KCTD16: variants seen among roughly 807,000 people sequenced by gnomAD.
KCTD16 encodes potassium channel tetramerization domain containing 16, also known as BTB/POZ domain-containing protein KCTD16.
In KCTD16, 13 loss-of-function variants were observed where a neutral mutation model predicts 33.2. The ratio of observed to expected loss-of-function variants is 0.39; its 90% CI spans 0.25 to 0.62. KCTD16 has a LOEUF of 0.62. KCTD16 is among the 20% of genes least tolerant of loss of function. The pLI is 0.50. For missense variants in KCTD16, 441 were observed against 525.1 expected, an observed-to-expected ratio of 0.84 and a Z score of 1.57; for synonymous variants, 197 against 195.3, an observed-to-expected ratio of 1.01 and a Z score of -0.07.
intron 3 of KCTD16, among the ~76,000 whole-genome samples, chr5:144,422,989 A>G (rs1753244532): frequency 6.6e-6 from 1 of 152,160 alleles, no homozygotes; most frequent in Non-Finnish European, 1.5e-5. Context: ...ATAATGAAGT[A>G]GCAACTAATC....
chr5:144,467,311 A>G (rs949317876), intron 3 of KCTD16, among the ~76,000 whole-genome samples: 1 of 151,554 alleles, frequency 6.6e-6, no homozygotes, highest in Non-Finnish European at 1.5e-5. Context: ...TGGAAGGTTT[A>G]CTCTGTCACA....
chr5:144,411,193 T>G (rs898463519), intron 3 of KCTD16, among the ~76,000 whole-genome samples: 1 of 152,162 alleles, frequency 6.6e-6, no homozygotes, highest in Non-Finnish European at 1.5e-5. Context: ...GTCTTAAAAT[T>G]TATATGGAAC....
rs1754552833 is a variant in KCTD16, at chr5:144,474,517, A to G, written c.*403A>G. On this transcript the variant is annotated 3_prime_UTR_variant, in exon 4 of 4. Coordinates refer to ENST00000512467, the MANE Select transcript of KCTD16 (RefSeq NM_020768.4). ...GTAGAAAAAGATCTGGCCCAATGGC[A>G]TAAGTTTGGAATTTTTAATTTTGGT... The G allele has an allele frequency of 3.1e-5, 5 of 161,964 alleles. No homozygotes were observed. Among genetic ancestry groups the G allele is most frequent in the South Asian group, 1.8e-4 (1 of 5,696 alleles). 10.0% of individuals were successfully genotyped at this position (161,964 alleles called of 1,614,324 possible).
chr5:144,385,986 G>A (rs572232226), intron 3 of KCTD16, among the ~76,000 whole-genome samples: 3 of 152,220 alleles, frequency 2.0e-5, no homozygotes, highest in South Asian at 4.2e-4. Flanking sequence ...GAGCTATCTA[G>A]TAATCATTGC....
intron 3 of KCTD16, among the ~76,000 whole-genome samples, chr5:144,361,849 TC>T (rs1313126187): frequency 6.6e-6 from 1 of 151,922 alleles, no homozygotes; most frequent in African/African-American, 2.4e-5. Flanking sequence ...TAAAGTCTGG[TC>T]CCAAGAGAGT....
In KCTD16 at chr5:144,285,493, A is replaced by C. The variant is rs527739120; in HGVS notation, c.832+77947A>C. Among the ~76,000 whole-genome samples the C allele has an allele frequency of 4.6e-5, 7 of 152,210 alleles. 1 individual carries two copies. Among genetic ancestry groups the C allele is most frequent in the Admixed American group, 1.3e-4 (2 of 15,292 alleles). ...GCCCCTCTTTATCCATCCATCGCTT[A>C]TGTAGCATCAAAGGGCCTTAGTGTG... On this transcript the variant is annotated intron_variant, in intron 3 of 3. Coordinates refer to ENST00000512467, the MANE Select transcript of KCTD16 (RefSeq NM_020768.4).
intron 3 of KCTD16, among the ~76,000 whole-genome samples, chr5:144,268,913 G>T (rs1755220883): frequency 6.6e-6 from 1 of 152,064 alleles, no homozygotes; most frequent in Non-Finnish European, 1.5e-5. Flanking sequence ...AAACCAGAAA[G>T]AAATTCTGGA....
intron 3 of KCTD16, among the ~76,000 whole-genome samples, chr5:144,441,658 C>T (rs992185997): frequency 2.0e-5 from 3 of 151,944 alleles, no homozygotes; most frequent in African/African-American, 7.2e-5. Flanking sequence ...TCTGAATTCT[C>T]AGTCGTATTG....
intron 3 of KCTD16, among the ~76,000 whole-genome samples, chr5:144,339,329 A>C (rs939493945): frequency 6.6e-6 from 1 of 152,224 alleles, no homozygotes; most frequent in Non-Finnish European, 1.5e-5. Flanking sequence ...CACTACTCTC[A>C]GCAGTCTCTG....
intron 3 of KCTD16, among the ~76,000 whole-genome samples, chr5:144,469,189 T>C (rs1178581044): frequency 2.0e-5 from 3 of 152,228 alleles, no homozygotes; most frequent in Non-Finnish European, 2.9e-5. Flanking sequence ...TCAATCTTTA[T>C]CCTGAAGGGC....
At chr5:144,431,589 C>T (rs1753463993) in intron 3 of KCTD16, among the ~76,000 whole-genome samples, 2 of 152,132 alleles carry the variant, frequency 1.3e-5, no homozygotes, top group African/African-American at 4.8e-5. Context: ...GCCAGGTCCA[C>T]ATCACAAAAT....
At chr5:144,357,351 A>G (rs1021666414) in intron 3 of KCTD16, among the ~76,000 whole-genome samples, 2 of 152,214 alleles carry the variant, frequency 1.3e-5, no homozygotes, top group Admixed American at 6.5e-5. Context: ...TTACCTTTCT[A>G]TAGCTCTAGA....
At chr5:144,381,043 G>A in intron 3 of KCTD16, among the ~76,000 whole-genome samples, 1 of 152,054 alleles carries the variant, frequency 6.6e-6, no homozygotes, top group East Asian at 1.9e-4. Context: ...TAAGACATTT[G>A]CAAACTATGC....
chr5:144,193,781 C>T (rs997203665), intron 2 of KCTD16, among the ~76,000 whole-genome samples: 5 of 151,584 alleles, frequency 3.3e-5, no homozygotes, highest in South Asian at 2.1e-4. Flanking sequence ...AACAAAGGTA[C>T]GACAAATGGA....
chr5:144,286,905 A>G (rs1050453306), intron 3 of KCTD16, among the ~76,000 whole-genome samples: 1 of 152,218 alleles, frequency 6.6e-6, no homozygotes, highest in Non-Finnish European at 1.5e-5. Flanking sequence ...CCTGACACTT[A>G]TTGAGCACTT....
chr5:144,206,675 C>A lies in KCTD16; in HGVS notation c.-40C>A, dbSNP rs369915608. 17 of 1,531,608 alleles carry A rather than the reference C, an allele frequency of 1.1e-5. No homozygotes were observed. The African/African-American group carries it at 2.3e-4, about 21-fold the overall frequency. 94.9% of individuals were successfully genotyped at this position (1,531,608 alleles called of 1,614,324 possible). ...ATAAGGCTGTGACTCCATTGGATTG[C>A]ACCTTTAAATCAAAATAGCAGCAGC... On this transcript the variant is annotated 5_prime_UTR_variant, in exon 3 of 4. Coordinates refer to ENST00000512467, the MANE Select transcript of KCTD16 (RefSeq NM_020768.4).
intron 3 of KCTD16, among the ~76,000 whole-genome samples, chr5:144,256,143 CT>C (rs1248917756): frequency 6.6e-6 from 1 of 152,184 alleles, no homozygotes; most frequent in African/African-American, 2.4e-5. Context: ...CACTTTGGAT[CT>C]ACATACCTTC....
chr5:144,220,319 G>A (rs1352034134), intron 3 of KCTD16, among the ~76,000 whole-genome samples: 2 of 152,070 alleles, frequency 1.3e-5, no homozygotes, highest in Non-Finnish European at 2.9e-5. Context: ...TCCTCGTACT[G>A]TTCACATGTG....
chr5:144,416,364 A>G (rs1442357467), intron 3 of KCTD16, among the ~76,000 whole-genome samples: 2 of 152,226 alleles, frequency 1.3e-5, no homozygotes, highest in Non-Finnish European at 2.9e-5. Context: ...GCAGACTAGT[A>G]GCCCAACACT....
Sources: gnomAD v4.1 joint callset for allele counts (sites outside exome capture counted in the v4.1 genomes callset) on GRCh38, gnomAD v4.1.1 for gene constraint, MANE v1.5 for transcripts, NCBI Gene and HGNC (gene_info 2026-07-23, HGNC 2026-07-21) for gene names.